The following AFF1 variants were observed in gnomAD, a reference collection of about 807,000 sequenced individuals.
AFF1 encodes ALF transcription elongation factor 1.
A neutral mutation model predicts 121.7 loss-of-function variants in AFF1; 48 were observed. The observed-to-expected ratio is 0.39, with a 90% CI of 0.31 to 0.50. The LOEUF (loss-of-function observed/expected upper bound fraction) is 0.50, where lower values mean the gene tolerates loss of function less well. AFF1 is among the 20% of genes least tolerant of loss of function. The pLI, the probability that AFF1 is intolerant of heterozygous loss-of-function variation, is 0.76. For synonymous variants in AFF1, 613 were observed against 563.0 expected (o/e 1.09, Z -1.26); for missense variants, 1,523 against 1,511.7 (o/e 1.01, Z -0.12).
At position 87,136,857 on chromosome 4, in the gene AFF1, C is replaced by A; in HGVS notation, c.*1156C>A. 1 of 221,352 alleles carries A rather than the reference C, an allele frequency of 4.5e-6. No individual in the cohort carries two copies. Among genetic ancestry groups the A allele is most frequent in the African/African-American group, 2.2e-5 (1 of 44,786 alleles). The allele number at this position is 221,352 out of a possible 1,614,324, so 13.7% of individuals were successfully genotyped here. On this transcript the variant is annotated 3_prime_UTR_variant, in exon 21 of 21. Transcript: ENST00000395146. ...TGATTGTCTAGGGGAAGTTAACTCC[C>A]TGAGAGGATGTAGAGATTTGGGGTG... is the stretch of plus-strand genomic sequence containing the variant.
intron 2 of AFF1, among the ~76,000 whole-genome samples, chr4:87,041,967 A>G (rs1411741043): frequency 1.3e-5 from 2 of 151,442 alleles, no homozygotes; most frequent in African/African-American, 2.4e-5. Flanking sequence ...GTGAGCTGAG[A>G]TCACTGCACT....
Position 87,137,729 on chromosome 4 carries a change from A to G in AFF1, c.*2028A>G, listed in dbSNP as rs1729413533. 2 of 232,534 alleles carry G rather than the reference A, an allele frequency of 8.6e-6. No homozygotes were observed. The highest frequency in any genetic ancestry group is 1.7e-5 in the Non-Finnish European group (2 of 117,674). 14.4% of individuals were successfully genotyped at this position (232,534 alleles called of 1,614,324 possible). Reference sequence around the variant, plus strand: ...CATTGTGTGTCCATCTGTTATATGTAAAGGACAAGGCACCAGAATCAGGCT... The same window carrying G: ...CATTGTGTGTCCATCTGTTATATGTGAAGGACAAGGCACCAGAATCAGGCT... On this transcript the variant is annotated 3_prime_UTR_variant, in exon 21 of 21. Transcript: ENST00000395146.
chr4:87,055,808 G>C (rs1720066660), intron 4 of AFF1, among the ~76,000 whole-genome samples: 1 of 152,084 alleles, frequency 6.6e-6, no homozygotes, highest in South Asian at 2.1e-4. Flanking sequence ...GAGGATCCTG[G>C]TTCATGTTAA....
At chr4:87,073,984 C>T (rs185459108) in intron 4 of AFF1, among the ~76,000 whole-genome samples, 2,366 of 150,726 alleles carry the variant, frequency 0.016, 67 homozygotes, top group African/African-American at 0.056. Flanking sequence ...TGTGCACGTG[C>T]GTGTGTGCAT....
chr4:86,989,328 ATT>A (rs1724524284), intron 2 of AFF1, among the ~76,000 whole-genome samples: 1 of 152,216 alleles, frequency 6.6e-6, no homozygotes, highest in Non-Finnish European at 1.5e-5. Context: ...AAATAAACAA[ATT>A]TACAAGAAAC....
chr4:86,964,824 C>G (rs180759009), intron 2 of AFF1, among the ~76,000 whole-genome samples: 1 of 152,314 alleles, frequency 6.6e-6, no homozygotes, highest in East Asian at 1.9e-4. Context: ...GTTTCTCTCT[C>G]CTGATTAGAC....
At chr4:87,031,439 G>GT (rs796554313) in intron 2 of AFF1, among the ~76,000 whole-genome samples, 8,222 of 140,468 alleles carry the variant, frequency 0.059, 686 homozygotes, top group African/African-American at 0.19. Flanking sequence ...CTTAGCATAT[G>GT]TTTTTTTTTT....
chr4:87,021,935 G>A (rs56390363), intron 2 of AFF1, among the ~76,000 whole-genome samples: 31,479 of 152,116 alleles, frequency 0.21, 3,424 homozygotes, highest in East Asian at 0.32. Flanking sequence ...GGGCGCAGTG[G>A]CACGCGCCTG....
At position 87,136,979 on chromosome 4, in the gene AFF1, G is replaced by A. The variant is rs557675156; in HGVS notation, c.*1278G>A. ...GGTTGAGGAGGAACTGTGGCCCTCC[G>A]TAAGTTATTGCCATAGTGTATGCAT... On this transcript the variant is annotated 3_prime_UTR_variant, in exon 21 of 21. Transcript: ENST00000395146. 6 of 220,478 alleles carry A rather than the reference G, an allele frequency of 2.7e-5. No individual in the cohort carries two copies. Among genetic ancestry groups the A allele is most frequent in the African/African-American group, 4.5e-5 (2 of 44,616 alleles). The allele number at this position is 220,478 out of a possible 1,614,324, so 13.7% of individuals were successfully genotyped here.
intron 2 of AFF1, among the ~76,000 whole-genome samples, chr4:87,008,129 T>G (rs548641018): frequency 6.6e-6 from 1 of 152,362 alleles, no homozygotes; most frequent in East Asian, 1.9e-4. Context: ...ATCCAAACTG[T>G]TCTGTGCGAT....
At chr4:87,048,238 A>C (rs554970033) in intron 4 of AFF1, among the ~76,000 whole-genome samples, 2 of 152,338 alleles carry the variant, frequency 1.3e-5, no homozygotes, top group South Asian at 4.1e-4. Flanking sequence ...GTGACATTTC[A>C]CTTGAGAGTG....
At chr4:87,024,419 C>CT (rs1330003555) in intron 2 of AFF1, among the ~76,000 whole-genome samples, 1 of 152,148 alleles carries the variant, frequency 6.6e-6, no homozygotes, top group African/African-American at 2.4e-5. Flanking sequence ...GCGTTAGCCT[C>CT]TGGGAAGTAA....
intron 5 of AFF1, among the ~76,000 whole-genome samples, chr4:87,088,528 GAAT>G (rs1238675542): frequency 6.6e-6 from 1 of 152,224 alleles, no homozygotes; most frequent in Non-Finnish European, 1.5e-5. Flanking sequence ...TGAGGCGTTA[GAAT>G]ACATCATGTG....
At position 86,949,882 on chromosome 4, in the gene AFF1, C is replaced by T. The variant is rs532331634; in HGVS notation, c.38+1311C>T. 3.7e-6 allele frequency: 6 copies of T among 1,613,982 alleles called. No individual in the cohort carries two copies. The South Asian group carries it at 4.4e-5, about 12-fold the overall frequency. ...GGCAGGACACCAGCAGGAAGAGCCA[C>T]GTGAAGGGGTTCTTGGTGGGGTATG... On this transcript the variant is annotated intron_variant, in intron 2 of 20. Transcript: ENST00000395146.
intron 2 of AFF1, among the ~76,000 whole-genome samples, chr4:86,976,188 A>C (rs1449461717): frequency 1.3e-5 from 2 of 152,286 alleles, no homozygotes; most frequent in Non-Finnish European, 2.9e-5. Flanking sequence ...AGGGCTTTCC[A>C]TGCAGAAGCA....
intron 2 of AFF1, among the ~76,000 whole-genome samples, chr4:86,961,578 G>A (rs1451415646): frequency 2.0e-5 from 3 of 151,474 alleles, no homozygotes. Context: ...CATAGTGGGG[G>A]TGTGGGAAGG....
At chr4:86,977,868 A>G (rs1004606192) in intron 2 of AFF1, among the ~76,000 whole-genome samples, 43 of 152,172 alleles carry the variant, frequency 2.8e-4, no homozygotes, top group African/African-American at 1.0e-3. Flanking sequence ...GCACGTTGCT[A>G]TGGGAGAGTG....
At chr4:87,012,412 T>C (rs1360963352) in intron 2 of AFF1, among the ~76,000 whole-genome samples, 1 of 152,166 alleles carries the variant, frequency 6.6e-6, no homozygotes, top group Non-Finnish European at 1.5e-5. Flanking sequence ...CTTGGAGACA[T>C]GCTTCTTGGC....
intron 2 of AFF1, among the ~76,000 whole-genome samples, chr4:86,953,551 G>C (rs945812579): frequency 6.6e-6 from 1 of 152,172 alleles, no homozygotes; most frequent in Non-Finnish European, 1.5e-5. Context: ...AGCTTATTCT[G>C]TGACTTCCAG....
Sources: gnomAD v4.1 joint callset for allele counts (sites outside exome capture counted in the v4.1 genomes callset) on GRCh38, gnomAD v4.1.1 for gene constraint, MANE v1.5 for transcripts, NCBI Gene and HGNC (gene_info 2026-07-23, HGNC 2026-07-21) for gene names.